STX3: variants seen among roughly 807,000 people sequenced by gnomAD.
STX3 encodes syntaxin-3.
In STX3, 19 loss-of-function variants were observed where a neutral mutation model predicts 40.2. That is an observed-to-expected ratio of 0.47 (90% CI 0.33 to 0.69). STX3 has a LOEUF of 0.69. STX3 is among the 30% of genes least tolerant of loss of function. STX3 has a pLI of 0.02. For synonymous variants in STX3, 122 were observed against 132.2 expected (o/e 0.92, Z 0.53); for missense variants, 364 against 366.7 (o/e 0.99, Z 0.06).
chr11:59,770,710 A>T (rs1160653121), intron 1 of STX3, among the ~76,000 whole-genome samples: 1 of 152,182 alleles, frequency 6.6e-6, no homozygotes, highest in East Asian at 1.9e-4. Context: ...AATTTCTATT[A>T]TATGCCTGGT....
At chr11:59,781,741 C>T (rs899225382) in intron 2 of STX3, 144 of 1,573,356 alleles carry the variant, frequency 9.2e-5, no homozygotes, top group Middle Eastern at 2.1e-4. Flanking sequence ...GGCGGGCTGG[C>T]GTGCAGAGAG....
chr11:59,781,050 G>A (rs1864333938), intron 2 of STX3, among the ~76,000 whole-genome samples: 1 of 148,878 alleles, frequency 6.7e-6, no homozygotes, highest in Admixed American at 6.7e-5. Flanking sequence ...TGACTGAGGT[G>A]GCCTTTTCCC....
intron 2 of STX3, among the ~76,000 whole-genome samples, chr11:59,777,955 G>T (rs376070695): frequency 9.9e-5 from 15 of 152,170 alleles, no homozygotes; most frequent in African/African-American, 3.4e-4. Flanking sequence ...ACTGTCTGGT[G>T]CCTTTACTGG....
In STX3 at chr11:59,788,925, C is replaced by G. The variant is rs771616633; in HGVS notation, c.267C>G (p.Asn89Lys). Reference sequence around the variant, plus strand: ...CGACTGAGATTAAGAAAAGGGCCAACAACGTCCGGAACAAACTGAAGAGTA... The same window carrying G: ...CGACTGAGATTAAGAAAAGGGCCAAGAACGTCCGGAACAAACTGAAGAGTA... ...QLTTEIKKRANNVRNKLKSME... is the reference protein window; with the variant it reads ...QLTTEIKKRAKNVRNKLKSME... Residue 89 changes from asparagine to lysine, a missense_variant, in exon 4 of 11, where the codon AAC becomes AAG. Coordinates refer to ENST00000337979, the MANE Select transcript of STX3 (RefSeq NM_004177.5). The G allele has an allele frequency of 4.3e-6, 7 of 1,611,136 alleles. No homozygotes were observed. The South Asian group carries it at 7.7e-5, about 18-fold the overall frequency.
In STX3 at chr11:59,795,824, CTCA is replaced by C. The variant is rs962039643; in HGVS notation, c.786+346_786+348del. On this transcript the variant is annotated intron_variant, in intron 9 of 10. Coordinates refer to ENST00000337979, the MANE Select transcript of STX3 (RefSeq NM_004177.5). ...CCCATGCCTCCCTCCCTGTCGTAGC[CTCA>C]TCAACCCCTCCCTCAGCTTTTCCTA... 1.0e-4 allele frequency: 88 copies of C among 874,510 alleles called. No individual in the cohort carries two copies. The African/African-American group carries it at 1.3e-3, about 13-fold the overall frequency. 54.2% of individuals were successfully genotyped at this position (874,510 alleles called of 1,614,324 possible).
At chr11:59,799,591 T>A in intron 10 of STX3, 1 of 935,978 alleles carries the variant, frequency 1.1e-6, no homozygotes, top group Non-Finnish European at 1.3e-6. Context: ...AGTACTGAAA[T>A]AACAGGTATA....
chr11:59,793,350 A>G, intron 7 of STX3, 30 bp from the exon 8 acceptor site: 2 of 1,606,688 alleles, frequency 1.2e-6, no homozygotes, highest in Non-Finnish European at 1.7e-6. Context: ...TTGCAGGGGT[A>G]GCTAACAGTC....
chr11:59,775,858 C>G (rs1863937077), intron 2 of STX3, among the ~76,000 whole-genome samples: 1 of 152,166 alleles, frequency 6.6e-6, no homozygotes, highest in African/African-American at 2.4e-5. Context: ...GGGAAAAACC[C>G]CGTGAAACTT....
chr11:59,755,724 G>T (rs1862674488), intron 1 of STX3, 89 bp downstream of exon 1: 4 of 1,432,318 alleles, frequency 2.8e-6, no homozygotes, highest in Non-Finnish European at 3.7e-6. Context: ...GGCTGGAGGG[G>T]GGCCCGAGCC....
intron 2 of STX3, among the ~76,000 whole-genome samples, chr11:59,785,998 G>T (rs1302010750): frequency 6.6e-6 from 1 of 152,178 alleles, no homozygotes; most frequent in African/African-American, 2.4e-5. Context: ...TCTGACAGTG[G>T]CGTTCTACCT....
rs371255872 is a variant in STX3, at chr11:59,793,493, C to T, written c.654C>T (p.Ile218=). 1.7e-5 allele frequency: 27 copies of T among 1,613,564 alleles called. No individual in the cohort carries two copies. The highest frequency in any genetic ancestry group is 2.1e-5 in the Non-Finnish European group (25 of 1,179,780). Residue 218 remains isoleucine, a synonymous_variant, in exon 8 of 11, where the codon ATC becomes ATT. Transcript: ENST00000337979. ...AGCTTCACGACATGTTTATGGACAT[C>T]GCCATGCTGGTGGAGAATCAGGTAA... The part of the protein sequence containing the change: ...IKELHDMFMD[I]AMLVENQGEM...
chr11:59,774,321 G>A (rs1665003424), intron 2 of STX3, among the ~76,000 whole-genome samples: 1 of 151,810 alleles, frequency 6.6e-6, no homozygotes, highest in African/African-American at 2.4e-5. Flanking sequence ...CTGTAAATTA[G>A]GATTGATAAT....
At chr11:59,757,664 C>T (rs76475953) in intron 1 of STX3, among the ~76,000 whole-genome samples, 1 of 152,216 alleles carries the variant, frequency 6.6e-6, no homozygotes, top group Non-Finnish European at 1.5e-5. Context: ...GCTTCTGTAG[C>T]GTCTTGGAGC....
At chr11:59,762,579 G>A (rs1313135961) in intron 1 of STX3, among the ~76,000 whole-genome samples, 1 of 152,186 alleles carries the variant, frequency 6.6e-6, no homozygotes, top group Admixed American at 6.5e-5. Flanking sequence ...TGGGACAGAG[G>A]CTGAAAGGAG....
At chr11:59,795,059 A>T (rs1216133936) in intron 8 of STX3, among the ~76,000 whole-genome samples, 1 of 152,244 alleles carries the variant, frequency 6.6e-6, no homozygotes, top group Non-Finnish European at 1.5e-5. Flanking sequence ...TGTAAAAAAA[A>T]TAACAAAGGT....
rs895642210 is a variant in STX3, at chr11:59,787,058, A to G, written c.136A>G (p.Ile46Val). 4 of 1,614,014 alleles carry G rather than the reference A, an allele frequency of 2.5e-6. No individual in the cohort carries two copies. Among genetic ancestry groups the G allele is most frequent in the Non-Finnish European group, 3.4e-6 (4 of 1,180,002 alleles). The change falls in exon 3 of 11, where the codon ATT (isoleucine) becomes GTT (valine). Residue 46 changes from isoleucine (I) to valine (V), a missense_variant. Ile to Val is a conservative substitution (Grantham distance 29). Transcript: ENST00000337979. The stretch of plus-strand genomic sequence containing the variant: ...ATAGATTGAGGAAACTCGGCTTAAC[A>G]TTGACAAGATCTCAGAACATGTAGA... ...FSEIEETRLN[I>V]DKISEHVEEA...
intron 2 of STX3, among the ~76,000 whole-genome samples, chr11:59,775,859 C>T (rs17154138): frequency 0.1 from 15,816 of 152,122 alleles, 1,158 homozygotes; most frequent in African/African-American, 0.2. Flanking sequence ...GGAAAAACCC[C>T]GTGAAACTTA....
Position 59,801,805 on chromosome 11 carries a change from G to A in STX3, c.*981G>A. On this transcript the variant is annotated 3_prime_UTR_variant, in exon 11 of 11. Coordinates refer to ENST00000337979, the MANE Select transcript of STX3 (RefSeq NM_004177.5). ...GTCTCAGGAAGTAGGAAATAAAAATGGAAGCTATTATGACCTCAAAAAAAA... is the reference window on the plus strand; with the variant it reads ...GTCTCAGGAAGTAGGAAATAAAAATAGAAGCTATTATGACCTCAAAAAAAA... 1 of 985,642 alleles carries A rather than the reference G, an allele frequency of 1.0e-6. No individual in the cohort carries two copies. Among genetic ancestry groups the A allele is most frequent in the Non-Finnish European group, 1.2e-6 (1 of 829,886 alleles). 61.1% of individuals were successfully genotyped at this position (985,642 alleles called of 1,614,324 possible). A position where few individuals can be genotyped will look rare whatever the true frequency, so the allele number is the denominator to read the frequency against.
At chr11:59,777,852 T>C (rs1864072443) in intron 2 of STX3, among the ~76,000 whole-genome samples, 1 of 152,102 alleles carries the variant, frequency 6.6e-6, no homozygotes, top group Non-Finnish European at 1.5e-5. Context: ...GCAAAGTGGG[T>C]CCGGATTACT....
Sources: allele counts gnomAD v4.1 joint callset (sites outside exome capture counted in the v4.1 genomes callset), GRCh38; gene constraint gnomAD v4.1.1; transcripts MANE v1.5; gene names NCBI Gene and HGNC (gene_info 2026-07-23, HGNC 2026-07-21).